Variants in EVC observed in about 807,000 individuals in gnomAD.
EVC encodes the protein evC complex member EVC.
A neutral mutation model predicts 118.9 loss-of-function variants in EVC; 116 were observed. The ratio of observed to expected loss-of-function variants is 0.98; its 90% CI spans 0.84 to 1.14. The LOEUF is 1.14. EVC is among the 50% of genes most tolerant of loss of function. The pLI, the probability that EVC is intolerant of heterozygous loss-of-function variation, is 0.00. For missense variants in EVC, 1,401 were observed against 1,246.4 expected, an observed-to-expected ratio of 1.12 and a Z score of -1.87; for synonymous variants, 619 against 534.7, an observed-to-expected ratio of 1.16 and a Z score of -2.18.
At chr4:5,750,527 G>T (rs1730188519) in intron 8 of EVC, among the ~76,000 whole-genome samples, 1 of 152,194 alleles carries the variant, frequency 6.6e-6, no homozygotes, top group Non-Finnish European at 1.5e-5. Flanking sequence ...AGAAACTGGA[G>T]CTCCCACTGC....
chr4:5,733,585 G>A, intron 5 of EVC, 150 bp downstream of exon 5: 1 of 770,940 alleles, frequency 1.3e-6, no homozygotes. Flanking sequence ...GCGCTGTCAG[G>A]CATGCAGCCA....
intron 16 of EVC, among the ~76,000 whole-genome samples, chr4:5,804,076 T>G (rs1253927421): frequency 1.3e-5 from 2 of 152,072 alleles, no homozygotes; most frequent in Non-Finnish European, 2.9e-5. Context: ...TAGCTGGGAT[T>G]ACAGACACAT....
chr4:5,748,316 G>A lies in EVC; in HGVS notation c.1098+10G>A, dbSNP rs1729682625. ...GGAGCTGCAGGCTCTGGTAATGCTG[G>A]AGGGGGCGGGAGGGAACATAAAGAT... On this transcript the variant is annotated intron_variant, in intron 8 of 20. Transcript: ENST00000264956. 2 of 1,613,902 alleles carry A rather than the reference G, an allele frequency of 1.2e-6. No homozygotes were observed. Among genetic ancestry groups the A allele is most frequent in the South Asian group, 1.1e-5 (1 of 91,052 alleles).
Position 5,719,425 on chromosome 4 carries a change from A to C in EVC, c.300+52A>C, listed in dbSNP as rs756295746. ...TGGAGGCACATGTGGGAGGTGGGGT[A>C]TTCCCCCTGGAAGCCGGGTGTCATG... On this transcript the variant is annotated intron_variant, in intron 2 of 20. Transcript: ENST00000264956. The surrounding 1 kb of genome is among the most constrained non-coding windows in gnomAD (Gnocchi z 4.7). 1.2e-6 allele frequency: 2 copies of C among 1,612,940 alleles called. No individual in the cohort carries two copies. Among genetic ancestry groups the C allele is most frequent in the Non-Finnish European group, 8.5e-7 (1 of 1,179,724 alleles).
chr4:5,817,068 ACAGGGCCGCCTGGCC>A (rs1332803756), downstream of EVC, among the ~76,000 whole-genome samples: 1 of 152,252 alleles, frequency 6.6e-6, no homozygotes, highest in African/African-American at 2.4e-5. Flanking sequence ...CCTAAAGGTC[ACAGGGCCGCCTGGCC>A]CAGGAGAAAT....
chr4:5,769,066 A>G (rs1023475286), intron 11 of EVC, among the ~76,000 whole-genome samples: 2 of 152,106 alleles, frequency 1.3e-5, no homozygotes, highest in East Asian at 3.9e-4. Context: ...GGTCACCTAT[A>G]TTAATTTGTT....
rs1560339283 is a variant in EVC, at chr4:5,752,570, T to C, written c.1099-266T>C. The C allele has an allele frequency of 5.4e-6, 3 of 560,288 alleles. No homozygotes were observed. The East Asian group carries it at 9.2e-5, about 17-fold the overall frequency. The allele number at this position is 560,288 out of a possible 1,614,324, so 34.7% of individuals were successfully genotyped here. ...GGATTCCCTCCTAGGAGGGTGGCCC[T>C]CTGGGGAGCGCTACTGGTGACTAAG... is the stretch of plus-strand genomic sequence containing the variant. On this transcript the variant is annotated intron_variant, in intron 8 of 20. Coordinates refer to ENST00000264956, the MANE Select transcript of EVC (RefSeq NM_153717.3).
chr4:5,760,258 A>G (rs1319427442), intron 11 of EVC, among the ~76,000 whole-genome samples: 1 of 152,088 alleles, frequency 6.6e-6, no homozygotes, highest in African/African-American at 2.4e-5. Context: ...GCTGGTAACT[A>G]CATCAGTTTC....
Position 5,805,405 on chromosome 4 carries a change from C to A in EVC, c.2561+564C>A, listed in dbSNP as rs943300656. ...ACAAGGCCTGAGCGAAGGGGCCCGC[C>A]GACCGGGCTGTTCTTAGGAAGCTGC... On this transcript the variant is annotated intron_variant, in intron 17 of 20. Coordinates refer to ENST00000264956, the MANE Select transcript of EVC (RefSeq NM_153717.3). Among the ~76,000 whole-genome samples the A allele has an allele frequency of 3.9e-5, 6 of 152,292 alleles. No homozygotes were observed. The East Asian group carries it at 1.2e-3, about 29-fold the overall frequency.
chr4:5,774,993 T>TA (rs1453944443), intron 11 of EVC, among the ~76,000 whole-genome samples: 2 of 152,142 alleles, frequency 1.3e-5, no homozygotes, highest in Non-Finnish European at 2.9e-5. Context: ...CATTTCTTAT[T>TA]AGAAGGAGCC....
At chr4:5,785,878 C>T (rs1250308721) in intron 12 of EVC, among the ~76,000 whole-genome samples, 1 of 152,204 alleles carries the variant, frequency 6.6e-6, no homozygotes, top group Non-Finnish European at 1.5e-5. Flanking sequence ...AGGCCGCAGA[C>T]CAATTCATTT....
chr4:5,796,834 T>C (rs1215460962), intron 13 of EVC, among the ~76,000 whole-genome samples, 188 bp from the exon 14 acceptor site: 1 of 151,608 alleles, frequency 6.6e-6, no homozygotes, highest in African/African-American at 2.4e-5. Flanking sequence ...AAAAGATTAA[T>C]AGACAAGCAG....
intron 5 of EVC, among the ~76,000 whole-genome samples, chr4:5,734,089 A>G (rs1347977173): frequency 6.6e-6 from 1 of 152,166 alleles, no homozygotes. Context: ...TGAATCAGCC[A>G]CGGACCTGAG....
At chr4:5,776,071 C>T (rs1213990401) in intron 11 of EVC, among the ~76,000 whole-genome samples, 1 of 151,676 alleles carries the variant, frequency 6.6e-6, no homozygotes, top group Non-Finnish European at 1.5e-5. Context: ...TCCTAATTTG[C>T]TAAGTGTGTT....
intron 3 of EVC, among the ~76,000 whole-genome samples, chr4:5,730,723 C>T (rs550973268): frequency 6.6e-6 from 1 of 151,970 alleles, no homozygotes; most frequent in African/African-American, 2.4e-5. Flanking sequence ...ACGCTTCTGC[C>T]CAGCAAACAA....
At chr4:5,715,616 A>G (rs552446744) in intron 1 of EVC, among the ~76,000 whole-genome samples, 1 of 152,274 alleles carries the variant, frequency 6.6e-6, no homozygotes, top group South Asian at 2.1e-4. Flanking sequence ...AAAGGGATGG[A>G]TGCAACTCTT....
the EVC span, chr4:5,824,206 G>T: frequency 1.3e-6 from 1 of 761,862 alleles, no homozygotes; most frequent in Non-Finnish European, 1.6e-6. Flanking sequence ...CAAACTCCTT[G>T]AGAGCTTGTG....
At chr4:5,816,308 G>A (rs978826102), downstream of EVC, among the ~76,000 whole-genome samples, 1 of 152,124 alleles carries the variant, frequency 6.6e-6, no homozygotes, top group South Asian at 2.1e-4. Context: ...GGTCCCCAAC[G>A]GCAAGGAGCA....
intron 11 of EVC, among the ~76,000 whole-genome samples, chr4:5,767,737 C>T (rs1207581642): frequency 1.3e-5 from 2 of 152,312 alleles, no homozygotes; most frequent in East Asian, 1.9e-4. Context: ...CCAAGTGAGG[C>T]AATGCCTCGC....
Sources: allele counts gnomAD v4.1 joint callset (sites outside exome capture counted in the v4.1 genomes callset), GRCh38; gene constraint gnomAD v4.1.1; non-coding constraint Gnocchi (gnomAD v3.1); transcripts MANE v1.5; gene names NCBI Gene and HGNC (gene_info 2026-07-23, HGNC 2026-07-21).